Variants in BCL11A observed in about 807,000 individuals in gnomAD.
BCL11A encodes B cell CLL/lymphoma 11A.
BCL11A carries 2 observed loss-of-function variants against 55.9 expected under a neutral mutation model. That is an observed-to-expected ratio of 0.04 (90% CI 0.01 to 0.11). BCL11A has a LOEUF of 0.11. BCL11A is among the 10% of genes least tolerant of loss of function. The pLI is 1.00. For missense variants in BCL11A, 817 were observed against 1,137.1 expected (o/e 0.72, Z 4.05); for synonymous variants, 465 against 473.4 (o/e 0.98, Z 0.23).
rs75465679 is a variant in BCL11A at position 60,475,697 on chromosome 2, T to C, written c.386-6864A>G. 6.2e-3 allele frequency among the ~76,000 whole-genome samples: 950 copies of C among 152,280 alleles called. 8 individuals are homozygous for C. The highest frequency in any genetic ancestry group is 0.022 in the African/African-American group (914 of 41,546). On this transcript the variant is annotated intron_variant, in intron 2 of 3. Coordinates refer to ENST00000642384, the MANE Select transcript of BCL11A (RefSeq NM_022893.4). The stretch of plus-strand genomic sequence containing the variant: ...GTGCCCTTACTCCTGCTCTGAGTCC[T>C]CAGCTGAGGATCTTGTTTGTGTGTA...
intron 2 of BCL11A, among the ~76,000 whole-genome samples, chr2:60,475,421 T>C (rs1572977223): frequency 6.6e-6 from 1 of 152,372 alleles, no homozygotes; most frequent in East Asian, 1.9e-4. Flanking sequence ...GTTTTATTCC[T>C]CTGAGTCAGA....
chr2:60,485,853 T>C, intron 2 of BCL11A, among the ~76,000 whole-genome samples: 1 of 152,198 alleles, frequency 6.6e-6, no homozygotes, highest in Non-Finnish European at 1.5e-5. Context: ...CTTCACCAGA[T>C]GGATCCCATC....
At chr2:60,539,907 G>A (rs967215492) in intron 2 of BCL11A, among the ~76,000 whole-genome samples, 2 of 152,182 alleles carry the variant, frequency 1.3e-5, no homozygotes, top group East Asian at 3.8e-4. Context: ...AAGGGGAGAA[G>A]CTGTTTAAGG....
At chr2:60,483,232 G>A (rs148955974) in intron 2 of BCL11A, among the ~76,000 whole-genome samples, 3 of 152,300 alleles carry the variant, frequency 2.0e-5, no homozygotes, top group South Asian at 2.1e-4. Context: ...GTTTACAGCC[G>A]TTTTCCCCTC....
At position 60,461,874 on chromosome 2, in the gene BCL11A, G is replaced by C. The variant is rs765866771; in HGVS notation, c.1038C>G (p.Phe346Leu). ...GGAAGGGCGGCTTGCTACCTGGCTG[G>C]AATGGTTGCAGTAACCTTTGCATAG... The part of the protein sequence containing the change: ...PSPMQRLLQP[F>L]QPGSKPPFLA... Residue 346 changes from phenylalanine (F) to leucine (L), a missense_variant, in exon 4 of 4, where the codon TTC (phenylalanine) becomes TTG (leucine). Physicochemically the swap from Phe to Leu is conservative, Grantham distance 22. Coordinates refer to ENST00000642384, the MANE Select transcript of BCL11A (RefSeq NM_022893.4). 12 of 1,613,926 alleles carry C rather than the reference G, an allele frequency of 7.4e-6. No individual in the cohort carries two copies. Among genetic ancestry groups the C allele is most frequent in the Non-Finnish European group, 1.0e-5 (12 of 1,179,912 alleles).
chr2:60,454,425 C>A (rs541634330), downstream of BCL11A, among the ~76,000 whole-genome samples: 4 of 152,094 alleles, frequency 2.6e-5, no homozygotes, highest in South Asian at 8.3e-4. Context: ...ATCCTCATAT[C>A]GGCAAAGTTC....
chr2:60,481,171 A>G (rs1162362276), intron 2 of BCL11A, among the ~76,000 whole-genome samples: 1 of 151,948 alleles, frequency 6.6e-6, no homozygotes, highest in African/African-American at 2.4e-5. Context: ...GCTCAAGGAG[A>G]TTGAGGCTTC....
chr2:60,499,381 A>G (rs1679148071), intron 2 of BCL11A, among the ~76,000 whole-genome samples: 1 of 152,130 alleles, frequency 6.6e-6, no homozygotes, highest in African/African-American at 2.4e-5. Context: ...TACTCCTGGG[A>G]AAGGTTGCAC....
rs1194841854 is a variant in BCL11A, at chr2:60,460,184, G to A, written c.*220C>T. 1.1e-5 allele frequency: 14 copies of A among 1,276,734 alleles called. No homozygotes were observed. The highest frequency in any genetic ancestry group is 6.2e-5 in the African/African-American group (4 of 64,752). 79.1% of individuals were successfully genotyped at this position (1,276,734 alleles called of 1,614,324 possible). A position where few individuals can be genotyped will look rare whatever the true frequency, so the allele number is the denominator to read the frequency against. The stretch of plus-strand genomic sequence containing the variant: ...AACATAAAGGAAAAAAAAAAAAAAG[G>A]AAAAAGAAAAAAGAAAAAGAAAAAG... On this transcript the variant is annotated 3_prime_UTR_variant, in exon 4 of 4. Transcript: ENST00000642384.
chr2:60,488,931 T>G (rs911959666), intron 2 of BCL11A, among the ~76,000 whole-genome samples: 1 of 152,182 alleles, frequency 6.6e-6, no homozygotes, highest in African/African-American at 2.4e-5. Context: ...GGCTAATTTC[T>G]GTATTTTTGG....
chr2:60,544,208 T>C (rs1670051983), intron 2 of BCL11A: 1 of 152,256 alleles, frequency 6.6e-6, no homozygotes, highest in Non-Finnish European at 1.5e-5. Context: ...CAGCTCGATA[T>C]GTAAATACGA....
intron 1 of BCL11A, among the ~76,000 whole-genome samples, chr2:60,551,664 G>T (rs972530486): frequency 2.0e-5 from 3 of 152,170 alleles, no homozygotes; most frequent in Non-Finnish European, 4.4e-5. Flanking sequence ...AGCCGATTTC[G>T]CAGTCTGGGA....
At chr2:60,507,820 A>G (rs1189813992) in intron 2 of BCL11A, among the ~76,000 whole-genome samples, 1 of 152,224 alleles carries the variant, frequency 6.6e-6, no homozygotes, top group African/African-American at 2.4e-5. Context: ...TTGAAACTGT[A>G]TACAGGACAC....
intron 2 of BCL11A, chr2:60,542,221 A>C (rs995716506): frequency 1.4e-5 from 3 of 218,322 alleles, no homozygotes; most frequent in Non-Finnish European, 2.7e-5. Flanking sequence ...AGGACTTGTC[A>C]TATTTTTTCT....
intron 2 of BCL11A, among the ~76,000 whole-genome samples, chr2:60,505,691 T>C (rs1014805447): frequency 2.0e-5 from 3 of 152,186 alleles, no homozygotes; most frequent in African/African-American, 7.2e-5. Flanking sequence ...TCCACATGCA[T>C]TCCCACCTCC....
At position 60,459,715 on chromosome 2, in the gene BCL11A, T is replaced by A; in HGVS notation, c.*689A>T. 1.9e-6 allele frequency: 2 copies of A among 1,037,056 alleles called. No individual in the cohort carries two copies. Among genetic ancestry groups the A allele is most frequent in the Non-Finnish European group, 2.3e-6 (2 of 861,116 alleles). 64.2% of individuals were successfully genotyped at this position (1,037,056 alleles called of 1,614,324 possible). A position where few individuals can be genotyped will look rare whatever the true frequency, so the allele number is the denominator to read the frequency against. ...AAAACCAAATGATAGAATAAACTTG[T>A]TCTGTTTTTCTGTTAATTTGTCAAT... On this transcript the variant is annotated 3_prime_UTR_variant, in exon 4 of 4. Transcript: ENST00000642384.
downstream of BCL11A, among the ~76,000 whole-genome samples, chr2:60,457,031 T>G (rs1675972120): frequency 6.6e-6 from 1 of 152,180 alleles, no homozygotes. Flanking sequence ...ATGTCTATTT[T>G]AATATAGTAA....
At chr2:60,478,974 T>A (rs1677793750) in intron 2 of BCL11A, among the ~76,000 whole-genome samples, 1 of 151,786 alleles carries the variant, frequency 6.6e-6, no homozygotes, top group Non-Finnish European at 1.5e-5. Flanking sequence ...TTTTGTTTTT[T>A]TTTTTTCCCT....
At chr2:60,509,989 A>G (rs1679892071) in intron 2 of BCL11A, among the ~76,000 whole-genome samples, 1 of 152,002 alleles carries the variant, frequency 6.6e-6, no homozygotes, top group African/African-American at 2.4e-5. Context: ...CCTTTCATAC[A>G]ACCCATCCCA....
Sources: allele counts gnomAD v4.1 joint callset (sites outside exome capture counted in the v4.1 genomes callset), GRCh38; gene constraint gnomAD v4.1.1; transcripts MANE v1.5; gene names NCBI Gene and HGNC (gene_info 2026-07-23, HGNC 2026-07-21).